KIAA0753: variants seen among roughly 807,000 people sequenced by gnomAD.
The protein encoded by KIAA0753 is protein moonraker.
In KIAA0753, 114 loss-of-function variants were observed where a neutral mutation model predicts 116.9. The observed-to-expected ratio is 0.98, with a 90% confidence interval of 0.84 to 1.14. The LOEUF is 1.14. KIAA0753 is among the 50% of genes most tolerant of loss of function. KIAA0753 has a pLI of 0.00. For synonymous variants in KIAA0753, 405 were observed against 413.1 expected, an observed-to-expected ratio of 0.98 and a Z score of 0.24; for missense variants, 1,156 against 1,172.4, an observed-to-expected ratio of 0.99 and a Z score of 0.20.
intron 8 of KIAA0753, among the ~76,000 whole-genome samples, chr17:6,610,516 C>CT (rs71157206): frequency 0.21 from 23,849 of 113,330 alleles, 3,657 homozygotes; most frequent in African/African-American, 0.37. Flanking sequence ...TTTTCTTTCT[C>CT]TTTTTTTTTT....
rs750820953 is a variant in KIAA0753 at position 6,623,610 on chromosome 17, T to C, written c.826-39A>G. ...GGGAAAAAAGAAAACTTCATACCTT[T>C]CCATTGATCTTTTTTGTAGAAAAGG... On this transcript the variant is annotated intron_variant, in intron 4 of 18. Transcript: ENST00000361413. 6.3e-6 allele frequency: 10 copies of C among 1,585,006 alleles called. No individual in the cohort carries two copies. The Admixed American group carries it at 1.8e-4, about 29-fold the overall frequency.
At chr17:6,598,623 T>C (rs768978632) in intron 14 of KIAA0753, among the ~76,000 whole-genome samples, 1 of 152,198 alleles carries the variant, frequency 6.6e-6, no homozygotes, top group East Asian at 1.9e-4. Context: ...TGGATGCAAC[T>C]TGCACCTTCT....
At chr17:6,603,642 CAAAA>C (rs1378608247) in intron 12 of KIAA0753, among the ~76,000 whole-genome samples, 6 of 152,198 alleles carry the variant, frequency 3.9e-5, no homozygotes, top group Admixed American at 3.9e-4. Context: ...ACACTGGGAC[CAAAA>C]GAATGACAGA....
intron 12 of KIAA0753, among the ~76,000 whole-genome samples, chr17:6,605,435 C>T (rs1007102573): frequency 5.9e-5 from 9 of 152,158 alleles, no homozygotes; most frequent in Non-Finnish European, 1.2e-4. Flanking sequence ...GACTCACTCC[C>T]GACCCTGCTC....
intron 15 of KIAA0753, 132 bp from the exon 16 acceptor site, chr17:6,595,185 G>A: frequency 1.6e-6 from 1 of 642,384 alleles, no homozygotes; most frequent in Non-Finnish European, 2.7e-6. Context: ...GCACCTGTCA[G>A]GCCAGGAAGT....
At chr17:6,589,216 AGG>A (rs1968807820) in intron 18 of KIAA0753, among the ~76,000 whole-genome samples, 1 of 152,114 alleles carries the variant, frequency 6.6e-6, no homozygotes, top group African/African-American at 2.4e-5. Context: ...ATGAGGGTGG[AGG>A]TCCCTCAATG....
In KIAA0753 at chr17:6,590,821, C is replaced by A. The variant is rs2289638; in HGVS notation, c.2441-191G>T. 0.31 allele frequency among the ~76,000 whole-genome samples: 46,463 copies of A among 151,966 alleles called. 7,977 individuals carry two copies. Among genetic ancestry groups the A allele is most frequent in the Admixed American group, 0.39 (5,988 of 15,272 alleles). On this transcript the variant is annotated intron_variant, in intron 16 of 18. Transcript: ENST00000361413. ...GTGAATTTATATGTTACAAAGAAAC[C>A]AATGAGGAATACGTTTTAAGAAATA...
chr17:6,616,668 T>C (rs1970955237), intron 7 of KIAA0753, among the ~76,000 whole-genome samples: 1 of 152,036 alleles, frequency 6.6e-6, no homozygotes, highest in African/African-American at 2.4e-5. Flanking sequence ...CTACTAAAAG[T>C]ACAAAAAATT....
intron 1 of KIAA0753, chr17:6,635,546 T>G (rs1345829246): frequency 1.9e-5 from 3 of 157,392 alleles, no homozygotes; most frequent in Non-Finnish European, 4.2e-5. Flanking sequence ...CAGTCTACAT[T>G]AACAAGTCTT....
Position 6,594,010 on chromosome 17 carries a change from G to A in KIAA0753, c.2440+962C>T, listed in dbSNP as rs190205264. Among the ~76,000 whole-genome samples the A allele has an allele frequency of 6.0e-4, 91 of 152,312 alleles. 1 individual carries two copies. The highest frequency in any genetic ancestry group is 1.1e-3 in the Admixed American group (17 of 15,304). Reference sequence around the variant, plus strand: ...GGATGTAGGAAATAGGAGCAAGGCCGCTTTGATAAAGATTTGTCAATTTTT... The same window carrying A: ...GGATGTAGGAAATAGGAGCAAGGCCACTTTGATAAAGATTTGTCAATTTTT... On this transcript the variant is annotated intron_variant, in intron 16 of 18. Transcript: ENST00000361413.
intron 1 of KIAA0753, chr17:6,638,799 T>C (rs1972489411): frequency 6.6e-6 from 1 of 152,530 alleles, no homozygotes; most frequent in Non-Finnish European, 1.5e-5. Flanking sequence ...TTACCATCTG[T>C]CCCGCTCCCC....
intron 5 of KIAA0753, 46 bp from the exon 6 acceptor site, chr17:6,623,143 T>C (rs760190174): frequency 1.3e-6 from 2 of 1,515,118 alleles, no homozygotes; most frequent in African/African-American, 2.8e-5. Flanking sequence ...ACTCAGAACT[T>C]GCTAACATTC....
chr17:6,612,152 C>T lies in KIAA0753; in HGVS notation c.1316-4G>A, dbSNP rs575665598. On this transcript the variant is annotated splice_region_variant and splice_polypyrimidine_tract_variant and intron_variant, in intron 7 of 18. Transcript: ENST00000361413. ...TCCGTATCGGGCTGATACTTATCTACATGGAAATTTTTGAAAAACAAACTG... is the reference window on the plus strand; with the variant it reads ...TCCGTATCGGGCTGATACTTATCTATATGGAAATTTTTGAAAAACAAACTG... The T allele has an allele frequency of 1.1e-4, 173 of 1,595,214 alleles. 1 individual carries two copies. The South Asian group carries it at 1.7e-3, about 16-fold the overall frequency.
At chr17:6,593,750 G>C (rs959319401) in intron 16 of KIAA0753, among the ~76,000 whole-genome samples, 1 of 152,228 alleles carries the variant, frequency 6.6e-6, no homozygotes, top group African/African-American at 2.4e-5. Flanking sequence ...TGGGCGTGGT[G>C]GCACACACCT....
intron 8 of KIAA0753, among the ~76,000 whole-genome samples, chr17:6,610,510 CTT>C (rs1567562661): frequency 1.6e-5 from 2 of 122,462 alleles, no homozygotes; most frequent in African/African-American, 3.0e-5. Context: ...TTTTTCTTTT[CTT>C]TCTCTTTTTT....
chr17:6,604,215 A>AT (rs1970050105), intron 12 of KIAA0753, among the ~76,000 whole-genome samples: 2 of 151,702 alleles, frequency 1.3e-5, no homozygotes, highest in South Asian at 2.1e-4. Context: ...TGTATTCATA[A>AT]TAGCCCCAAA....
intron 18 of KIAA0753, among the ~76,000 whole-genome samples, chr17:6,585,277 A>G (rs1435994537): frequency 6.6e-6 from 1 of 152,074 alleles, no homozygotes; most frequent in East Asian, 1.9e-4. Flanking sequence ...ATCTTTTGTC[A>G]TCTTTCTTTT....
intron 3 of KIAA0753, among the ~76,000 whole-genome samples, chr17:6,625,677 A>C (rs987954100): frequency 3.7e-5 from 5 of 135,116 alleles, no homozygotes; most frequent in Non-Finnish European, 6.9e-5. Flanking sequence ...AAAAGAGAAG[A>C]ATTAAAAAAA....
At chr17:6,591,739 G>C (rs1255091610) in intron 16 of KIAA0753, among the ~76,000 whole-genome samples, 2 of 152,362 alleles carry the variant, frequency 1.3e-5, no homozygotes, top group East Asian at 3.9e-4. Context: ...TTTGTGGCCA[G>C]TGGCCAAACC....
Sources: gnomAD v4.1 joint callset for allele counts (sites outside exome capture counted in the v4.1 genomes callset) on GRCh38, gnomAD v4.1.1 for gene constraint, MANE v1.5 for transcripts, NCBI Gene and HGNC (gene_info 2026-07-23, HGNC 2026-07-21) for gene names.